MYO1F: variants seen among roughly 807,000 people sequenced by gnomAD.
The protein encoded by MYO1F is myosin IF.
MYO1F carries 60 observed loss-of-function variants against 146.6 expected under a neutral mutation model. That is an observed-to-expected ratio of 0.41 (90% CI 0.33 to 0.51). The LOEUF (loss-of-function observed/expected upper bound fraction) is 0.51. Among genes scored for constraint, MYO1F ranks in the 20% least tolerant of loss-of-function variants. The pLI, the probability that MYO1F is intolerant of heterozygous loss-of-function variation, is 0.25. For synonymous variants in MYO1F, 602 were observed against 602.1 expected (o/e 1.00, Z 0.00); for missense variants, 1,274 against 1,534.3 (o/e 0.83, Z 2.83).
Position 8,555,750 on chromosome 19 carries a change from C to T in MYO1F, c.50G>A (p.Ser17Asn). ...AAGAAGCACCATGTCATCCACGCCG[C>T]TCTGCTTCACGTTGTGGCTCTGCCA... ...FHWQSHNVKQ[S>N]GVDDMVLLPQ... The change falls in exon 2 of 28, where the codon AGC (serine) becomes AAC (asparagine). Residue 17 changes from serine to asparagine, a missense_variant. Coordinates refer to ENST00000644032, the MANE Select transcript of MYO1F (RefSeq NM_012335.4). 1 of 1,614,104 alleles carries T rather than the reference C, an allele frequency of 6.2e-7. No individual in the cohort carries two copies. The highest frequency in any genetic ancestry group is 8.5e-7 in the Non-Finnish European group (1 of 1,180,030).
At chr19:8,575,085 T>C (rs528410545) in intron 1 of MYO1F, among the ~76,000 whole-genome samples, 2 of 150,542 alleles carry the variant, frequency 1.3e-5, no homozygotes, top group East Asian at 2.0e-4. Flanking sequence ...TTTCTTTTTT[T>C]TTTTTTTTTG....
intron 1 of MYO1F, among the ~76,000 whole-genome samples, chr19:8,556,189 C>T (rs1022409985): frequency 4.0e-5 from 6 of 151,298 alleles, no homozygotes; most frequent in Non-Finnish European, 5.9e-5. Flanking sequence ...CCACCATGCC[C>T]GGCTAATTTT....
chr19:8,543,681 G>GTGC (rs1973093080), intron 14 of MYO1F, among the ~76,000 whole-genome samples: 4 of 50,194 alleles, frequency 8.0e-5, no homozygotes, highest in Admixed American at 4.1e-4. Context: ...GGTGCTGGTG[G>GTGC]TGGTGGTGGT....
intron 8 of MYO1F, 26 bp downstream of exon 8, chr19:8,551,714 G>A (rs1276262237): frequency 6.2e-7 from 1 of 1,613,968 alleles, no homozygotes; most frequent in East Asian, 2.2e-5. Flanking sequence ...GCCTGGCCGG[G>A]GACTGGAGTA....
At position 8,536,167 on chromosome 19, in the gene MYO1F, G is replaced by GTC. The variant is rs57614495; in HGVS notation, c.2043+83_2043+84dup. On this transcript the variant is annotated intron_variant, in intron 19 of 27. Transcript: ENST00000644032. Reference sequence around the variant, plus strand: ...TTTCTCTCAATCTCTGTCTCCCTCTGTCTCTCTCTCTCTCTCTCAGTCCCT... The same window carrying GTC: ...TTTCTCTCAATCTCTGTCTCCCTCTGTCTCTCTCTCTCTCTCTCTCAGTCCCT... 0.17 allele frequency: 225,318 copies of GTC among 1,362,462 alleles called. 9,963 individuals carry two copies. Among genetic ancestry groups the GTC allele is most frequent in the African/African-American group, 0.48 (32,770 of 68,098 alleles). 84.4% of individuals were successfully genotyped at this position (1,362,462 alleles called of 1,614,324 possible). A position where few individuals can be genotyped will look rare whatever the true frequency, so the allele number is the denominator to read the frequency against.
intron 8 of MYO1F, 97 bp from the exon 9 acceptor site, chr19:8,550,791 T>TA: frequency 6.5e-7 from 1 of 1,547,102 alleles, no homozygotes; most frequent in Non-Finnish European, 8.9e-7. Context: ...ACTCAGGGAG[T>TA]GAGCACCCTT....
rs374665096 is a variant in MYO1F at position 8,523,118 on chromosome 19, G to A, written c.2855-289C>T. Among the ~76,000 whole-genome samples the A allele has an allele frequency of 3.6e-3, 539 of 150,526 alleles. 3 individuals are homozygous for A. The highest frequency in any genetic ancestry group is 0.012 in the African/African-American group (482 of 40,912). On this transcript the variant is annotated intron_variant, in intron 25 of 27. Coordinates refer to ENST00000644032, the MANE Select transcript of MYO1F (RefSeq NM_012335.4). ...GCGATCTCGGCTCACTGCAAGCTCC[G>A]CCTCCTGGGTTCACGCCATTCTCCT...
chr19:8,577,239 T>C lies in MYO1F; in HGVS notation c.3+68A>G, dbSNP rs2146011804. 3 of 1,585,552 alleles carry C rather than the reference T, an allele frequency of 1.9e-6. No individual in the cohort carries two copies. Among genetic ancestry groups the C allele is most frequent in the Non-Finnish European group, 2.6e-6 (3 of 1,159,718 alleles). The stretch of plus-strand genomic sequence containing the variant: ...CACCCCAATTTCTGATGGTCATTTT[T>C]AGGACACCTCCACCTGGCTGGTGTC... On this transcript the variant is annotated intron_variant, in intron 1 of 27. Coordinates refer to ENST00000644032, the MANE Select transcript of MYO1F (RefSeq NM_012335.4). This position sits in a 1 kb window ranked among gnomAD's most constrained non-coding sequence, Gnocchi z 4.3.
chr19:8,574,669 C>CTCTT (rs200409055), intron 1 of MYO1F, among the ~76,000 whole-genome samples: 24 of 133,278 alleles, frequency 1.8e-4, no homozygotes, highest in African/African-American at 5.7e-4. Flanking sequence ...TCTTCTTTCT[C>CTCTT]TCTTTCTTTC....
At chr19:8,564,267 G>C (rs560465879) in intron 1 of MYO1F, among the ~76,000 whole-genome samples, 1 of 152,264 alleles carries the variant, frequency 6.6e-6, no homozygotes, top group African/African-American at 2.4e-5. Flanking sequence ...TGTAATCCCA[G>C]CTACTTGGGA....
rs756724343 is a variant in MYO1F at position 8,544,435 on chromosome 19, G to A, written c.1386C>T (p.Asp462=). 12 of 1,611,672 alleles carry A rather than the reference G, an allele frequency of 7.4e-6. No homozygotes were observed. Among genetic ancestry groups the A allele is most frequent in the Middle Eastern group, 1.7e-4 (1 of 6,050 alleles). ...TGGCGTGCATGGTGGCGCACACGTC[G>A]TCCAAGACGCTCATGATGCCTGGGG... ...LSPPGIMSVL[D]DVCATMHATG... The change falls in exon 14 of 28, where the codon GAC becomes GAT. Residue 462 remains aspartate, a synonymous_variant. Transcript: ENST00000644032.
intron 1 of MYO1F, among the ~76,000 whole-genome samples, chr19:8,564,582 G>A (rs1414819955): frequency 6.6e-6 from 1 of 152,002 alleles, no homozygotes; most frequent in African/African-American, 2.4e-5. Context: ...TGGGACGAGG[G>A]TGGGTTAGGA....
Position 8,536,936 on chromosome 19 carries a change from T to TG in MYO1F, c.1799+12dup, listed in dbSNP as rs760864408. 2.9e-5 allele frequency: 36 copies of TG among 1,236,214 alleles called. No homozygotes were observed. In the Admixed American group the frequency reaches 5.8e-4, roughly 20 times the overall value. The allele number at this position is 1,236,214 out of a possible 1,614,324, so 76.6% of individuals were successfully genotyped here. On this transcript the variant is annotated intron_variant, in intron 17 of 27. Transcript: ENST00000644032. ...TGGGGGGAATGAATCTTGGATTGGT[T>TG]GGGGGGGATCACCTGTTCTCCTCCC...
At chr19:8,557,844 G>A (rs1973923322) in intron 1 of MYO1F, among the ~76,000 whole-genome samples, 1 of 152,118 alleles carries the variant, frequency 6.6e-6, no homozygotes, top group South Asian at 2.1e-4. Flanking sequence ...GCCCAGGCCA[G>A]TCCCTGACTT....
chr19:8,536,927 T>G, intron 17 of MYO1F, 22 bp downstream of exon 17: 2 of 1,274,110 alleles, frequency 1.6e-6, no homozygotes, highest in Non-Finnish European at 2.1e-6. Context: ...GAATGAATCT[T>G]GGATTGGTTG....
intron 25 of MYO1F, among the ~76,000 whole-genome samples, chr19:8,523,512 T>A (rs1410527887): frequency 6.6e-6 from 1 of 152,024 alleles, no homozygotes; most frequent in African/African-American, 2.4e-5. Flanking sequence ...TATGCCCAGT[T>A]GATTTTTATA....
intron 7 of MYO1F, 48 bp downstream of exon 7, chr19:8,551,985 C>T (rs753135343): frequency 4.2e-5 from 67 of 1,613,856 alleles, no homozygotes; most frequent in Admixed American, 1.8e-4. Flanking sequence ...TTGTCCACCC[C>T]GCTGGGCTCC....
At chr19:8,559,340 G>A (rs1170229747) in intron 1 of MYO1F, among the ~76,000 whole-genome samples, 1 of 125,202 alleles carries the variant, frequency 8.0e-6, no homozygotes, top group Non-Finnish European at 1.7e-5. Context: ...AGGGGGTGGG[G>A]GGTGGGGGGT....
At chr19:8,556,482 AAAAGAAAGAAAG>A (rs367956320) in intron 1 of MYO1F, among the ~76,000 whole-genome samples, 5,397 of 145,128 alleles carry the variant, frequency 0.037, 328 homozygotes, top group African/African-American at 0.13. Context: ...TCTCTATAAA[AAAAGAAAGAAAG>A]AAAGAAAGAA....
Sources: gnomAD v4.1 joint callset for allele counts (sites outside exome capture counted in the v4.1 genomes callset) on GRCh38, gnomAD v4.1.1 for gene constraint, Gnocchi (gnomAD v3.1) non-coding constraint, MANE v1.5 for transcripts, NCBI Gene and HGNC (gene_info 2026-07-23, HGNC 2026-07-21) for gene names.